AGBL1: variants seen among roughly 807,000 people sequenced by gnomAD.
AGBL1 encodes cytosolic carboxypeptidase 4.
In AGBL1, 130 loss-of-function variants were observed where a neutral mutation model predicts 118.9. The ratio of observed to expected loss-of-function variants is 1.09; its 90% CI spans 0.95 to 1.26. The LOEUF (loss-of-function observed/expected upper bound fraction) is 1.26, where lower values mean the gene tolerates loss of function less well. Ranked by LOEUF, AGBL1 falls within the 50% of genes most tolerant of loss-of-function variation. The pLI is 0.00. For missense variants in AGBL1, 1,584 were observed against 1,298.1 expected (o/e 1.22, Z -3.38); for synonymous variants, 555 against 478.9 (o/e 1.16, Z -2.08).
intron 1 of AGBL1, among the ~76,000 whole-genome samples, chr15:86,126,177 T>C (rs549105555): frequency 6.6e-6 from 1 of 152,330 alleles, no homozygotes; most frequent in South Asian, 2.1e-4. Context: ...ACTAATTAAT[T>C]TTATAACCAC....
At chr15:86,600,976 G>C (rs2084484160) in intron 21 of AGBL1, among the ~76,000 whole-genome samples, 3 of 152,134 alleles carry the variant, frequency 2.0e-5, no homozygotes, top group African/African-American at 7.2e-5. Flanking sequence ...AGGGTCCAGA[G>C]CCTGCTGGGC....
At chr15:86,332,636 A>G (rs1342372769) in intron 17 of AGBL1, among the ~76,000 whole-genome samples, 3 of 121,132 alleles carry the variant, frequency 2.5e-5, no homozygotes, top group Non-Finnish European at 5.2e-5. Context: ...ACAGAGTGAG[A>G]CTCCATCTCA....
chr15:86,146,280 TTA>T (rs1597455226), intron 3 of AGBL1, among the ~76,000 whole-genome samples: 1 of 152,254 alleles, frequency 6.6e-6, no homozygotes, highest in East Asian at 1.9e-4. Flanking sequence ...TTTCTTGTCA[TTA>T]TTCCCTAAGC....
chr15:86,779,544 T>C (rs2078302434), intron 22 of AGBL1, among the ~76,000 whole-genome samples: 1 of 152,226 alleles, frequency 6.6e-6, no homozygotes, highest in African/African-American at 2.4e-5. Flanking sequence ...GATGAAAATA[T>C]GCATCTAATT....
intron 22 of AGBL1, among the ~76,000 whole-genome samples, chr15:86,827,938 C>CTTTTTTTTTTTTTTTTTTTTTTT (rs71144074): frequency 0.021 from 356 of 16,754 alleles, 129 homozygotes; most frequent in East Asian, 0.043. Context: ...TGATGTAGGG[C>CTTTTTTTTTTTTTTTTTTTTTTT]TTTTTTTTTT....
At chr15:86,546,479 C>G (rs1208661228) in intron 20 of AGBL1, among the ~76,000 whole-genome samples, 1 of 152,066 alleles carries the variant, frequency 6.6e-6, no homozygotes, top group East Asian at 1.9e-4. Flanking sequence ...TTAACATTAC[C>G]TCTCTGAACC....
intron 17 of AGBL1, among the ~76,000 whole-genome samples, chr15:86,365,801 G>A (rs536379036): frequency 6.6e-6 from 1 of 152,118 alleles, no homozygotes; most frequent in Non-Finnish European, 1.5e-5. Flanking sequence ...GGGTAAGGGA[G>A]TGATAAATAT....
chr15:86,632,525 T>G (rs1411418132), intron 21 of AGBL1, among the ~76,000 whole-genome samples: 2 of 152,184 alleles, frequency 1.3e-5, no homozygotes, highest in African/African-American at 4.8e-5. Flanking sequence ...TGTAGACCAC[T>G]CTACTATTCA....
intron 18 of AGBL1, among the ~76,000 whole-genome samples, chr15:86,428,788 C>G (rs1014497299): frequency 1.3e-5 from 2 of 152,204 alleles, no homozygotes; most frequent in African/African-American, 4.8e-5. Flanking sequence ...TAAACTGAGT[C>G]TTTCCAAAAG....
chr15:86,512,164 G>C (rs936741526), intron 18 of AGBL1, among the ~76,000 whole-genome samples: 1 of 151,896 alleles, frequency 6.6e-6, no homozygotes, highest in Admixed American at 6.6e-5. Context: ...TGAATGTCTG[G>C]TGGAAAAAAC....
intron 23 of AGBL1, among the ~76,000 whole-genome samples, chr15:86,937,209 G>A (rs555326188): frequency 6.6e-6 from 1 of 152,212 alleles, no homozygotes; most frequent in East Asian, 1.9e-4. Flanking sequence ...TAGTGGGAGT[G>A]TAAATTAGTT....
intron 1 of AGBL1, among the ~76,000 whole-genome samples, chr15:86,104,676 C>G (rs935800000): frequency 1.3e-5 from 2 of 152,196 alleles, no homozygotes; most frequent in Non-Finnish European, 2.9e-5. Flanking sequence ...CTTAGGGATG[C>G]CCGTGGGGCT....
chr15:86,306,761 G>A (rs2079847540), intron 17 of AGBL1, among the ~76,000 whole-genome samples: 1 of 152,104 alleles, frequency 6.6e-6, no homozygotes, highest in South Asian at 2.1e-4. Flanking sequence ...CATAGTGGTT[G>A]TACTAATTTA....
At chr15:86,690,100 C>T (rs750362437) in intron 22 of AGBL1, among the ~76,000 whole-genome samples, 4 of 152,062 alleles carry the variant, frequency 2.6e-5, no homozygotes, top group Admixed American at 6.6e-5. Context: ...GAAATGGGTT[C>T]AGTGGATTGA....
chr15:86,463,845 T>C (rs985750983), intron 18 of AGBL1, among the ~76,000 whole-genome samples: 1 of 152,200 alleles, frequency 6.6e-6, no homozygotes, highest in Non-Finnish European at 1.5e-5. Flanking sequence ...TACTCTAGCC[T>C]TGTAGTATAG....
intron 5 of AGBL1, among the ~76,000 whole-genome samples, chr15:86,201,309 A>AGAAAAAGAAGT (rs2077903732): frequency 6.6e-6 from 1 of 152,232 alleles, no homozygotes; most frequent in South Asian, 2.1e-4. Flanking sequence ...ACCCTTAAGA[A>AGAAAAAGAAGT]GAAAAAGAAG....
At chr15:86,609,282 T>C (rs1348645747) in intron 21 of AGBL1, among the ~76,000 whole-genome samples, 1 of 151,704 alleles carries the variant, frequency 6.6e-6, no homozygotes, top group African/African-American at 2.4e-5. Flanking sequence ...CACAAGAAAA[T>C]CAGAAAGGAG....
chr15:87,006,973 A>G (rs994725469), intron 24 of AGBL1, among the ~76,000 whole-genome samples: 6 of 152,210 alleles, frequency 3.9e-5, no homozygotes, highest in Admixed American at 2.6e-4. Context: ...CCCAAAACAT[A>G]GCAGAAAGTA....
In AGBL1 at chr15:86,675,233, T is replaced by A. The variant is rs553862971; in HGVS notation, c.3158+797T>A. Among the ~76,000 whole-genome samples the A allele has an allele frequency of 2.6e-5, 4 of 152,148 alleles. No homozygotes were observed. In the South Asian group the frequency reaches 8.3e-4, roughly 32 times the overall value. On this transcript the variant is annotated intron_variant, in intron 22 of 22. Coordinates refer to ENST00000614907, the MANE Select transcript of AGBL1 (RefSeq NM_001386094.1). The stretch of plus-strand genomic sequence containing the variant: ...TGTTGGGGAAGTGTCTCCTGGTAAA[T>A]GAGGAGGCATCTGGTCGTGCACTTC...
Sources: gnomAD v4.1 joint callset for allele counts (sites outside exome capture counted in the v4.1 genomes callset) on GRCh38, gnomAD v4.1.1 for gene constraint, MANE v1.5 for transcripts, NCBI Gene and HGNC (gene_info 2026-07-23, HGNC 2026-07-21) for gene names.